The following TLR4 variants were observed in gnomAD, a reference collection of about 807,000 sequenced individuals.
The protein encoded by TLR4 is toll like receptor 4.
TLR4 carries 17 observed loss-of-function variants against 27.4 expected under a neutral mutation model. The ratio of observed to expected loss-of-function variants is 0.62; its 90% CI spans 0.42 to 0.93. The LOEUF (loss-of-function observed/expected upper bound fraction) is 0.93, where lower values mean the gene tolerates loss of function less well. Ranked by LOEUF, TLR4 falls within the 40% of genes least tolerant of loss-of-function variation. TLR4 has a pLI of 0.00. For synonymous variants in TLR4, 363 were observed against 365.7 expected, an observed-to-expected ratio of 0.99 and a Z score of 0.08; for missense variants, 926 against 962.3, an observed-to-expected ratio of 0.96 and a Z score of 0.50.
intron 2 of TLR4, among the ~76,000 whole-genome samples, 161 bp from the exon 3 acceptor site, chr9:117,712,228 G>T (rs1010140808): frequency 1.3e-5 from 2 of 151,726 alleles, no homozygotes; most frequent in Non-Finnish European, 2.9e-5. Flanking sequence ...CTTCTTATTT[G>T]CTTATTCCAT....
At chr9:117,712,324 A>C in intron 2 of TLR4, 65 bp from the exon 3 acceptor site, 1 of 1,469,042 alleles carries the variant, frequency 6.8e-7, no homozygotes, top group Admixed American at 1.8e-5. Flanking sequence ...ACTAGGATTA[A>C]TATTCTATTT....
chr9:117,708,167 T>C, intron 1 of TLR4: 1 of 1,013,742 alleles, frequency 9.9e-7, no homozygotes, highest in African/African-American at 1.7e-5. Flanking sequence ...AGGTTTTTCT[T>C]TTGTTCGTTT....
rs540487188 is a variant in TLR4 at position 117,717,269 on chromosome 9, G to C, written c.*2621G>C. 1.3e-5 allele frequency: 2 copies of C among 152,116 alleles called. No homozygotes were observed. Among genetic ancestry groups the C allele is most frequent in the African/African-American group, 4.8e-5 (2 of 41,514 alleles). 9.4% of individuals were successfully genotyped at this position (152,116 alleles called of 1,614,324 possible). On this transcript the variant is annotated 3_prime_UTR_variant, in exon 3 of 3. Coordinates refer to ENST00000355622, the MANE Select transcript of TLR4 (RefSeq NM_138554.5). Reference sequence around the variant, plus strand: ...CTCCCCTTATCCCTTATGCTTGGTGGATACGTTCTTAGACCCCAAGTGGAT... The same window carrying C: ...CTCCCCTTATCCCTTATGCTTGGTGCATACGTTCTTAGACCCCAAGTGGAT...
chr9:117,709,917 C>T, intron 2 of TLR4, among the ~76,000 whole-genome samples: 1 of 152,022 alleles, frequency 6.6e-6, no homozygotes, highest in East Asian at 1.9e-4. Context: ...CTTCATCTCC[C>T]TTAATCTTAG....
Position 117,718,462 on chromosome 9 carries a change from TAATC to T in TLR4, c.*3818_*3821del. ...ACAAAGGATATGTGAACAATAGGGTTAATCAATAATAAGTAGAAAATCTGGACAT... is the reference window on the plus strand; with the variant it reads ...ACAAAGGATATGTGAACAATAGGGTTAATAATAAGTAGAAAATCTGGACAT... On this transcript the variant is annotated 3_prime_UTR_variant, in exon 3 of 3. Transcript: ENST00000355622. 1 of 152,096 alleles carries T rather than the reference TAATC, an allele frequency of 6.6e-6. No homozygotes were observed. Among genetic ancestry groups the T allele is most frequent in the South Asian group, 2.1e-4 (1 of 4,808 alleles). 9.4% of individuals were successfully genotyped at this position (152,096 alleles called of 1,614,324 possible).
chr9:117,708,267 C>T (rs530138869), intron 1 of TLR4: 1 of 1,172,864 alleles, frequency 8.5e-7, no homozygotes, highest in African/African-American at 1.6e-5. Flanking sequence ...AGCCTCAGCC[C>T]TTCACCCCGA....
Position 117,713,512 on chromosome 9 carries a change from G to A in TLR4, c.1384G>A (p.Ala462Thr). The part of the protein sequence containing the change: ...LDISHTHTRV[A>T]FNGIFNGLSS... ...CATTTCTCATACTCACACCAGAGTT[G>A]CTTTCAATGGCATCTTCAATGGCTT... The change falls in exon 3 of 3, where the codon GCT becomes ACT. Residue 462 changes from alanine to threonine, a missense_variant. Physicochemically the swap from Ala to Thr is moderately conservative, Grantham distance 58. Transcript: ENST00000355622. The A allele has an allele frequency of 1.2e-6, 2 of 1,614,090 alleles. No homozygotes were observed. The highest frequency in any genetic ancestry group is 1.7e-6 in the Non-Finnish European group (2 of 1,180,012).
Position 117,719,628 on chromosome 9 carries a change from CCTTT to C in TLR4, c.*4985_*4988del, listed in dbSNP as rs1829400353. 5 of 152,014 alleles carry C rather than the reference CCTTT, an allele frequency of 3.3e-5. No individual in the cohort carries two copies. In the South Asian group the frequency reaches 1.0e-3, roughly 32 times the overall value. The allele number at this position is 152,014 out of a possible 1,614,324, so 9.4% of individuals were successfully genotyped here. On this transcript the variant is annotated 3_prime_UTR_variant, in exon 3 of 3. Transcript: ENST00000355622. ...ACAAATCAGGCCCACTAGATGATGG[CCTTT>C]CTTTGAACAACATGCCTAGGGTTGC...
rs770576183 is a variant in TLR4 at position 117,712,401 on chromosome 9, G to C, written c.273G>C (p.Gln91His). 10 of 1,613,638 alleles carry C rather than the reference G, an allele frequency of 6.2e-6. No individual in the cohort carries two copies. The East Asian group carries it at 1.8e-4, about 29-fold the overall frequency. The change falls in exon 3 of 3, where the codon CAG (glutamine) becomes CAC (histidine). Residue 91 changes from glutamine to histidine, a missense_variant. Physicochemically the swap from Gln to His is conservative, Grantham distance 24 (BLOSUM62 0). Transcript: ENST00000355622. ...TTTATTCCTGTAGGTGTGAAATCCA[G>C]ACAATTGAAGATGGGGCATATCAGA... ...QVLDLSRCEI[Q>H]TIEDGAYQSL...
At chr9:117,710,469 CAAG>C (rs1287791610) in intron 2 of TLR4, among the ~76,000 whole-genome samples, 3 of 146,670 alleles carry the variant, frequency 2.0e-5, no homozygotes, top group African/African-American at 5.1e-5. Flanking sequence ...TTTTTTCAAA[CAAG>C]AAGTAGTTTT....
intron 1 of TLR4, among the ~76,000 whole-genome samples, chr9:117,705,082 T>C (rs1829114401): frequency 6.6e-6 from 1 of 151,810 alleles, no homozygotes; most frequent in Non-Finnish European, 1.5e-5. Flanking sequence ...TAATATAGTT[T>C]AGTCCAGAGG....
chr9:117,713,222 A>G lies in TLR4; in HGVS notation c.1094A>G (p.Asn365Ser). 1 of 1,614,004 alleles carries G rather than the reference A, an allele frequency of 6.2e-7. No individual in the cohort carries two copies. Among genetic ancestry groups the G allele is most frequent in the Non-Finnish European group, 8.5e-7 (1 of 1,179,978 alleles). Residue 365 changes from asparagine (N) to serine (S), a missense_variant, in exon 3 of 3, where the codon AAT becomes AGT. Coordinates refer to ENST00000355622, the MANE Select transcript of TLR4 (RefSeq NM_138554.5). ...RLTFTSNKGG[N>S]AFSEVDLPSL... Reference sequence around the variant, plus strand: ...ACTTTCACTTCCAACAAAGGTGGGAATGCTTTTTCAGAAGTTGATCTACCA... The same window carrying G: ...ACTTTCACTTCCAACAAAGGTGGGAGTGCTTTTTCAGAAGTTGATCTACCA...
In TLR4 at chr9:117,713,158, C is replaced by G; in HGVS notation, c.1030C>G (p.Gln344Glu). 1 of 1,613,722 alleles carries G rather than the reference C, an allele frequency of 6.2e-7. No homozygotes were observed. The highest frequency in any genetic ancestry group is 8.5e-7 in the Non-Finnish European group (1 of 1,179,828). ...AGAATTAGTTAACTGTAAATTTGGACAGTTTCCCACATTGAAACTCAAATC... is the reference window on the plus strand; with the variant it reads ...AGAATTAGTTAACTGTAAATTTGGAGAGTTTCCCACATTGAAACTCAAATC... The part of the protein sequence containing the change: ...HLELVNCKFG[Q>E]FPTLKLKSLK... Residue 344 changes from glutamine to glutamate, a missense_variant, in exon 3 of 3, where the codon CAG (glutamine) becomes GAG (glutamate). Gln to Glu is a conservative substitution (Grantham distance 29, BLOSUM62 2). Coordinates refer to ENST00000355622, the MANE Select transcript of TLR4 (RefSeq NM_138554.5).
rs1452187218 is a variant in TLR4 at position 117,713,792 on chromosome 9, A to G, written c.1664A>G (p.His555Arg). The G allele has an allele frequency of 6.2e-7, 1 of 1,614,008 alleles. No individual in the cohort carries two copies. The highest frequency in any genetic ancestry group is 8.5e-7 in the Non-Finnish European group (1 of 1,179,994). Residue 555 changes from histidine to arginine, a missense_variant, in exon 3 of 3, where the codon CAC becomes CGC. Physicochemically the swap from His to Arg is conservative, Grantham distance 29. Transcript: ENST00000355622. ...SLQVLDYSLNHIMTSKKQELQ... is the reference protein window; with the variant it reads ...SLQVLDYSLNRIMTSKKQELQ... ...CAGGTTCTTGATTACAGTCTCAATC[A>G]CATAATGACTTCCAAAAAACAGGAA... is the stretch of plus-strand genomic sequence containing the variant.
In TLR4 at chr9:117,704,421, A is replaced by C. The variant is rs1829099341; in HGVS notation, c.-52A>C. The C allele has an allele frequency of 6.5e-7, 1 of 1,541,002 alleles. No homozygotes were observed. The highest frequency in any genetic ancestry group is 8.9e-7 in the Non-Finnish European group (1 of 1,120,872). On this transcript the variant is annotated 5_prime_UTR_variant, in exon 1 of 3. Coordinates refer to ENST00000355622, the MANE Select transcript of TLR4 (RefSeq NM_138554.5). ...CTCGGTCAGACGGTGATAGCGAGCCACGCATTCACAGGGCCACTGCTGCTC... is the reference window on the plus strand; with the variant it reads ...CTCGGTCAGACGGTGATAGCGAGCCCCGCATTCACAGGGCCACTGCTGCTC...
In TLR4 at chr9:117,712,676, C is replaced by T; in HGVS notation, c.548C>T (p.Ser183Phe). ...NLTNLEHLDL[S>F]SNKIQSIYCT... ...ACCAATCTAGAGCACTTGGACCTTT[C>T]CAGCAACAAGATTCAAAGTATTTAT... Residue 183 changes from serine to phenylalanine, a missense_variant, in exon 3 of 3, where the codon TCC becomes TTC. Coordinates refer to ENST00000355622, the MANE Select transcript of TLR4 (RefSeq NM_138554.5). 6.2e-7 allele frequency: 1 copy of T among 1,614,052 alleles called. No homozygotes were observed. The highest frequency in any genetic ancestry group is 8.5e-7 in the Non-Finnish European group (1 of 1,179,990).
In TLR4 at chr9:117,714,443, A is replaced by C; in HGVS notation, c.2315A>C (p.Gln772Pro). 6.2e-7 allele frequency: 1 copy of C among 1,613,918 alleles called. No individual in the cohort carries two copies. The stretch of plus-strand genomic sequence containing the variant: ...GCTGGTATCATCTTCATTGTCCTGC[A>C]GAAGGTGGAGAAGACCCTGCTCAGG... ...SRAGIIFIVL[Q>P]KVEKTLLRQQ... The change falls in exon 3 of 3, where the codon CAG (glutamine) becomes CCG (proline). Residue 772 changes from glutamine (Q) to proline (P), a missense_variant. By Grantham distance (76) the Gln-to-Pro change is moderately conservative (BLOSUM62 -1). Coordinates refer to ENST00000355622, the MANE Select transcript of TLR4 (RefSeq NM_138554.5).
chr9:117,713,738 C>T lies in TLR4; in HGVS notation c.1610C>T (p.Thr537Met), dbSNP rs151068160. 9.8e-5 allele frequency: 158 copies of T among 1,613,868 alleles called. No homozygotes were observed. Among genetic ancestry groups the T allele is most frequent in the Non-Finnish European group, 1.3e-4 (148 of 1,180,028 alleles). Residue 537 changes from threonine to methionine, a missense_variant, in exon 3 of 3, where the codon ACG (threonine) becomes ATG (methionine). By Grantham distance (81) the Thr-to-Met change is moderately conservative. Transcript: ENST00000355622. ...CACAACAACTTCTTTTCATTGGATACGTTTCCTTATAAGTGTCTGAACTCC... is the reference window on the plus strand; with the variant it reads ...CACAACAACTTCTTTTCATTGGATATGTTTCCTTATAAGTGTCTGAACTCC... The part of the protein sequence containing the change: ...MSHNNFFSLD[T>M]FPYKCLNSLQ...
chr9:117,722,246 G>GA lies in TLR4; in HGVS notation c.*7603dup, dbSNP rs1239075255. On this transcript the variant is annotated 3_prime_UTR_variant, in exon 3 of 3. Coordinates refer to ENST00000355622, the MANE Select transcript of TLR4 (RefSeq NM_138554.5). Reference sequence around the variant, plus strand: ...GATTCCAAAAATGACTTTCCCCTCTGAAAAACACAGGATTTCCTTGCGAAA... The same window carrying GA: ...GATTCCAAAAATGACTTTCCCCTCTGAAAAAACACAGGATTTCCTTGCGAAA... 2 of 152,112 alleles carry GA rather than the reference G, an allele frequency of 1.3e-5. No individual in the cohort carries two copies. The allele number at this position is 152,112 out of a possible 1,614,324, so 9.4% of individuals were successfully genotyped here.
Sources: gnomAD v4.1 joint callset for allele counts (sites outside exome capture counted in the v4.1 genomes callset) on GRCh38, gnomAD v4.1.1 for gene constraint, MANE v1.5 for transcripts, NCBI Gene and HGNC (gene_info 2026-07-23, HGNC 2026-07-21) for gene names.